Variants in ACYP2 observed in about 807,000 individuals in gnomAD.
The protein encoded by ACYP2 is acylphosphatase-2.
In ACYP2, 12 loss-of-function variants were observed where a neutral mutation model predicts 11.2. That is an observed-to-expected ratio of 1.08 (90% CI 0.69 to 1.74). ACYP2 has a LOEUF of 1.74. Among genes scored for constraint, ACYP2 ranks in the 40% most tolerant of loss-of-function variants. The pLI, the probability that ACYP2 is intolerant of heterozygous loss-of-function variation, is 0.00. For missense variants in ACYP2, 134 were observed against 101.9 expected, an observed-to-expected ratio of 1.31 and a Z score of -1.35; for synonymous variants, 43 against 32.2, an observed-to-expected ratio of 1.33 and a Z score of -1.13.
chr2:54,103,315 T>C (rs978111748), intron 4 of ACYP2, among the ~76,000 whole-genome samples: 1 of 152,352 alleles, frequency 6.6e-6, no homozygotes, highest in South Asian at 2.1e-4. Context: ...ATAAACATTA[T>C]TTCAGATATC....
intron 2 of ACYP2, among the ~76,000 whole-genome samples, chr2:53,983,253 C>G (rs1671856445): frequency 6.6e-6 from 1 of 152,142 alleles, no homozygotes; most frequent in African/African-American, 2.4e-5. Context: ...CGTCTGTAAT[C>G]CCAGCACTTT....
intron 5 of ACYP2, among the ~76,000 whole-genome samples, chr2:54,138,328 C>T (rs1038545183): frequency 2.6e-5 from 4 of 152,092 alleles, no homozygotes; most frequent in African/African-American, 9.7e-5. Context: ...AAGGGCAATG[C>T]AGCTAAATTT....
chr2:54,108,381 T>C (rs1679281253), intron 4 of ACYP2, among the ~76,000 whole-genome samples: 1 of 152,228 alleles, frequency 6.6e-6, no homozygotes, highest in South Asian at 2.1e-4. Flanking sequence ...AGATGAGTTA[T>C]TTTAAAGACA....
chr2:54,048,115 A>G (rs571848521), intron 2 of ACYP2, among the ~76,000 whole-genome samples: 2 of 152,142 alleles, frequency 1.3e-5, no homozygotes, highest in African/African-American at 2.4e-5. Context: ...CTAATTTTAT[A>G]TATATTTTTT....
intron 4 of ACYP2, among the ~76,000 whole-genome samples, chr2:54,100,260 C>A (rs1403783607): frequency 6.6e-6 from 1 of 151,246 alleles, no homozygotes; most frequent in African/African-American, 2.4e-5. Flanking sequence ...ACTCCTATGC[C>A]AGTCAAAGAA....
At chr2:54,235,857 CAAT>C (rs1246282391) in intron 6 of ACYP2, among the ~76,000 whole-genome samples, 3 of 152,144 alleles carry the variant, frequency 2.0e-5, no homozygotes, top group Non-Finnish European at 4.4e-5. Flanking sequence ...CCAACAACAA[CAAT>C]AAAACTCTAT....
intron 2 of ACYP2, among the ~76,000 whole-genome samples, chr2:54,027,025 A>G (rs887000966): frequency 2.6e-5 from 4 of 152,236 alleles, no homozygotes; most frequent in African/African-American, 9.6e-5. Context: ...CATGTAACCA[A>G]ACATTATCCG....
rs557561550 is a variant in ACYP2 at position 54,152,291 on chromosome 2, ATTC to A, written c.404+13546_404+13548del. On this transcript the variant is annotated intron_variant, in intron 6 of 6. Transcript: ENST00000607452. ...TACATGATGCTCAGCTAATTTTTTT[ATTC>A]TTTATTTTTTGTAGAGATGGGATCT... Among the ~76,000 whole-genome samples the A allele has an allele frequency of 9.2e-4, 139 of 151,684 alleles. 1 individual carries two copies. The highest frequency in any genetic ancestry group is 1.4e-3 in the Non-Finnish European group (94 of 67,874).
chr2:54,278,571 A>T (rs1218058950), intron 6 of ACYP2, among the ~76,000 whole-genome samples: 1 of 152,210 alleles, frequency 6.6e-6, no homozygotes, highest in Non-Finnish European at 1.5e-5. Context: ...GAAAACTGCT[A>T]GGATTGATTA....
chr2:53,999,590 G>T (rs1672714679), intron 2 of ACYP2, among the ~76,000 whole-genome samples: 1 of 152,086 alleles, frequency 6.6e-6, no homozygotes, highest in East Asian at 1.9e-4. Flanking sequence ...CCCTGCATAG[G>T]AGAGACGCTG....
At chr2:54,167,516 A>C (rs1281187231) in intron 6 of ACYP2, among the ~76,000 whole-genome samples, 1 of 152,218 alleles carries the variant, frequency 6.6e-6, no homozygotes, top group Non-Finnish European at 1.5e-5. Context: ...TATTTGTATC[A>C]CAAATGTTAT....
chr2:54,156,919 CG>C (rs992310062), intron 6 of ACYP2, among the ~76,000 whole-genome samples: 1 of 152,118 alleles, frequency 6.6e-6, no homozygotes, highest in Admixed American at 6.6e-5. Flanking sequence ...CCACCCGCCT[CG>C]GCCTCCCAAA....
chr2:54,152,437 G>C (rs1030144341), intron 6 of ACYP2, among the ~76,000 whole-genome samples: 14 of 152,036 alleles, frequency 9.2e-5, no homozygotes, highest in African/African-American at 3.4e-4. Flanking sequence ...GTTCACTTGT[G>C]ATGTTGTACA....
At chr2:54,077,036 ATG>A (rs1419216165) in intron 4 of ACYP2, among the ~76,000 whole-genome samples, 1 of 152,230 alleles carries the variant, frequency 6.6e-6, no homozygotes, top group Admixed American at 6.5e-5. Flanking sequence ...GTTTTCAATA[ATG>A]TGTTTTTCTT....
chr2:53,972,268 C>G (rs947256102), intron 1 of ACYP2, among the ~76,000 whole-genome samples: 1 of 148,998 alleles, frequency 6.7e-6, no homozygotes, highest in Non-Finnish European at 1.5e-5. Flanking sequence ...CAAGATCGCG[C>G]CAGGGCACTC....
At chr2:54,101,638 C>T (rs542330492) in intron 4 of ACYP2, among the ~76,000 whole-genome samples, 1 of 137,424 alleles carries the variant, frequency 7.3e-6, no homozygotes, top group Non-Finnish European at 1.5e-5. Flanking sequence ...TGCGCCATTG[C>T]AATCCAGCTT....
chr2:54,211,720 C>T (rs1412413999), intron 6 of ACYP2, among the ~76,000 whole-genome samples: 24 of 152,188 alleles, frequency 1.6e-4, no homozygotes, highest in Admixed American at 1.6e-3. Flanking sequence ...ACTCTAGACT[C>T]ACCAGTGTTT....
chr2:54,005,526 G>A (rs892984636), intron 2 of ACYP2, among the ~76,000 whole-genome samples: 7 of 152,038 alleles, frequency 4.6e-5, no homozygotes, highest in Non-Finnish European at 1.0e-4. Flanking sequence ...TTTTAGTAGA[G>A]ACGGGTTTTG....
intron 6 of ACYP2, among the ~76,000 whole-genome samples, chr2:54,149,986 T>A (rs1270088825): frequency 6.6e-6 from 1 of 152,216 alleles, no homozygotes; most frequent in Admixed American, 6.5e-5. Flanking sequence ...ATTGGAGCCA[T>A]GGGTGAATTT....
Sources: allele counts gnomAD v4.1 joint callset (sites outside exome capture counted in the v4.1 genomes callset), GRCh38; gene constraint gnomAD v4.1.1; transcripts MANE v1.5; gene names NCBI Gene and HGNC (gene_info 2026-07-23, HGNC 2026-07-21).